Variants in GPD2 observed in about 807,000 individuals in gnomAD.
GPD2 encodes glycerol-3-phosphate dehydrogenase 2.
GPD2 carries 54 observed loss-of-function variants against 82.4 expected under a neutral mutation model. The ratio of observed to expected loss-of-function variants is 0.66; its 90% CI spans 0.53 to 0.82. GPD2 has a LOEUF of 0.82. GPD2 is among the 40% of genes least tolerant of loss of function. The probability of loss-of-function intolerance (pLI) is 0.00; values close to 1 mark genes in which losing one functional copy is unlikely to be tolerated. For synonymous variants in GPD2, 288 were observed against 306.1 expected, an observed-to-expected ratio of 0.94 and a Z score of 0.62; for missense variants, 748 against 896.2, an observed-to-expected ratio of 0.83 and a Z score of 2.11.
the GPD2 span, among the ~76,000 whole-genome samples, chr2:156,401,016 A>C: frequency 6.6e-6 from 1 of 152,256 alleles, no homozygotes; most frequent in Non-Finnish European, 1.5e-5. Context: ...TGCTCGAAGT[A>C]AAAGTGAAAT....
intron 1 of GPD2, among the ~76,000 whole-genome samples, chr2:156,451,261 C>T (rs1682557954): frequency 6.6e-6 from 1 of 151,514 alleles, no homozygotes; most frequent in Non-Finnish European, 1.5e-5. Context: ...CGCCCCTCAC[C>T]TCCCGGACGG....
chr2:156,536,571 C>G (rs563669060), intron 6 of GPD2, among the ~76,000 whole-genome samples: 1 of 152,210 alleles, frequency 6.6e-6, no homozygotes, highest in Non-Finnish European at 1.5e-5. Flanking sequence ...CGTGACAGCA[C>G]TTAACCTTGA....
At chr2:156,404,264 G>C in the GPD2 span, among the ~76,000 whole-genome samples, 1 of 152,040 alleles carries the variant, frequency 6.6e-6, no homozygotes, top group African/African-American at 2.4e-5. Context: ...CACACCTGTA[G>C]TTCCAGCTAC....
intron 9 of GPD2, among the ~76,000 whole-genome samples, chr2:156,560,491 A>G (rs968729089): frequency 6.6e-6 from 1 of 152,184 alleles, no homozygotes; most frequent in African/African-American, 2.4e-5. Context: ...CCAGGGTAAA[A>G]AGCAGAAATG....
intron 3 of GPD2, among the ~76,000 whole-genome samples, chr2:156,499,925 T>A (rs184594308): frequency 6.6e-6 from 1 of 152,042 alleles, no homozygotes; most frequent in African/African-American, 2.4e-5. Flanking sequence ...CTTAGCAGTT[T>A]ATTACTATTT....
intron 6 of GPD2, among the ~76,000 whole-genome samples, chr2:156,527,466 C>G (rs1256614312): frequency 6.6e-6 from 1 of 152,040 alleles, no homozygotes; most frequent in Non-Finnish European, 1.5e-5. Flanking sequence ...CAAGCATGAA[C>G]CACACAACAC....
chr2:156,456,732 G>A (rs1404727329), intron 1 of GPD2, among the ~76,000 whole-genome samples: 2 of 152,170 alleles, frequency 1.3e-5, no homozygotes, highest in African/African-American at 4.8e-5. Context: ...AAATGAGGGG[G>A]CAGGAGTGAG....
intron 6 of GPD2, among the ~76,000 whole-genome samples, chr2:156,545,342 C>A (rs3769364): frequency 0.72 from 108,812 of 152,090 alleles, 39,012 homozygotes; most frequent in Middle Eastern, 0.82. Flanking sequence ...ACAATGAAGC[C>A]TGGGGAATAA....
chr2:156,534,670 A>G (rs114070628), intron 6 of GPD2, among the ~76,000 whole-genome samples: 3,045 of 152,340 alleles, frequency 0.02, 102 homozygotes, highest in African/African-American at 0.07. Context: ...TTTCTAAGTA[A>G]GATAGTATTC....
chr2:156,554,582 G>A (rs1197510450), intron 8 of GPD2, among the ~76,000 whole-genome samples: 1 of 152,090 alleles, frequency 6.6e-6, no homozygotes, highest in Non-Finnish European at 1.5e-5. Flanking sequence ...AGGGGAAGAA[G>A]GAAAAATTGT....
chr2:156,408,740 A>T, the GPD2 span, among the ~76,000 whole-genome samples: 19 of 151,232 alleles, frequency 1.3e-4, no homozygotes, highest in African/African-American at 4.4e-4. Context: ...AAAAGACAAG[A>T]AAGGCAAATG....
the GPD2 span, among the ~76,000 whole-genome samples, chr2:156,421,348 A>G: frequency 6.6e-6 from 1 of 152,216 alleles, no homozygotes; most frequent in Non-Finnish European, 1.5e-5. Flanking sequence ...TTATTTTTCC[A>G]TACACTAAAT....
intron 1 of GPD2, among the ~76,000 whole-genome samples, chr2:156,451,866 C>T (rs1426602176): frequency 2.0e-5 from 3 of 150,472 alleles, no homozygotes; most frequent in Non-Finnish European, 4.4e-5. Flanking sequence ...AGGGTCTCCT[C>T]ACTTCTCAGA....
chr2:156,450,665 CT>C (rs776070659), intron 1 of GPD2, among the ~76,000 whole-genome samples: 46 of 71,676 alleles, frequency 6.4e-4, no homozygotes, highest in Non-Finnish European at 8.8e-4. Context: ...ATAGACAACT[CT>C]TTTTTTTTTT....
chr2:156,549,806 A>G, intron 7 of GPD2, 34 bp downstream of exon 7: 4 of 1,499,108 alleles, frequency 2.7e-6, no homozygotes, highest in Non-Finnish European at 3.7e-6. Context: ...GGTATTTCTT[A>G]GTATCTTGCC....
At chr2:156,459,686 C>CAAAAAAA (rs564494059) in intron 1 of GPD2, among the ~76,000 whole-genome samples, 718 of 38,668 alleles carry the variant, frequency 0.019, 120 homozygotes, top group African/African-American at 0.07. Context: ...GACTCCGTCT[C>CAAAAAAA]AAAAAAAAAA....
intron 3 of GPD2, among the ~76,000 whole-genome samples, chr2:156,505,928 A>G (rs1433961064): frequency 6.6e-6 from 1 of 152,218 alleles, no homozygotes; most frequent in East Asian, 1.9e-4. Flanking sequence ...GATTTTTGAG[A>G]ATTGAAACAG....
rs557947034 is a variant in GPD2 at position 156,473,947 on chromosome 2, G to A, written c.-8-2151G>A. Among the ~76,000 whole-genome samples, 15 of 71,456 alleles carry A rather than the reference G, an allele frequency of 2.1e-4. No individual in the cohort carries two copies. In the South Asian group the frequency reaches 5.2e-3, roughly 25 times the overall value. The allele number at this position is 71,456 out of a possible 152,430, so 46.9% of individuals were successfully genotyped here. On this transcript the variant is annotated intron_variant, in intron 1 of 16. Transcript: ENST00000438166. ...TTCCTGCATAATTTGGGAAAGAGAAGATGGTTGATATAGCAAAGGGACAGT... is the reference window on the plus strand; with the variant it reads ...TTCCTGCATAATTTGGGAAAGAGAAAATGGTTGATATAGCAAAGGGACAGT...
Position 156,436,505 on chromosome 2 carries a change from C to G in GPD2, c.-17C>G, listed in dbSNP as rs1252903845. The stretch of plus-strand genomic sequence containing the variant: ...CCGCTGGCCCCTCGCGCGTGAGGAT[C>G]TATCTCAGGTGTGTGCTTCCTGGGA... On this transcript the variant is annotated 5_prime_UTR_variant, in exon 1 of 17. The change creates a new upstream start codon in the 5' untranslated region. Transcript: ENST00000438166. 1 of 152,420 alleles carries G rather than the reference C, an allele frequency of 6.6e-6. No homozygotes were observed. The highest frequency in any genetic ancestry group is 1.5e-5 in the Non-Finnish European group (1 of 68,206). 9.4% of individuals were successfully genotyped at this position (152,420 alleles called of 1,614,324 possible).
Sources: gnomAD v4.1 joint callset for allele counts (sites outside exome capture counted in the v4.1 genomes callset) on GRCh38, gnomAD v4.1.1 for gene constraint, MANE v1.5 for transcripts, NCBI Gene and HGNC (gene_info 2026-07-23, HGNC 2026-07-21) for gene names.